Variants in ARB2A observed in about 807,000 individuals in gnomAD.
The protein encoded by ARB2A is cotranscriptional regulator ARB2A.
At chr5:93,930,378 T>C in the ARB2A span, among the ~76,000 whole-genome samples, 1 of 152,202 alleles carries the variant, frequency 6.6e-6, no homozygotes, top group Non-Finnish European at 1.5e-5. Context: ...TATCCAGCAG[T>C]AAGAGTTGCA....
chr5:93,752,073 G>C, the ARB2A span, among the ~76,000 whole-genome samples: 1 of 152,162 alleles, frequency 6.6e-6, no homozygotes, highest in Non-Finnish European at 1.5e-5. Context: ...ATGGCATAGA[G>C]GCTAAGCCAG....
the ARB2A span, among the ~76,000 whole-genome samples, chr5:93,911,589 T>C: frequency 6.6e-6 from 1 of 151,286 alleles, no homozygotes. Flanking sequence ...AGGAAAAGGT[T>C]CACCTTTCTA....
the ARB2A span, among the ~76,000 whole-genome samples, chr5:94,069,997 G>A: frequency 6.6e-6 from 1 of 152,108 alleles, no homozygotes. Flanking sequence ...CATGTTTATT[G>A]CAGCATTATT....
chr5:93,978,960 A>G, the ARB2A span, among the ~76,000 whole-genome samples: 3 of 152,184 alleles, frequency 2.0e-5, no homozygotes, highest in African/African-American at 7.2e-5. Context: ...AGAGTAGGGC[A>G]ATTATGGTTA....
chr5:93,953,029 T>C, the ARB2A span, among the ~76,000 whole-genome samples: 1 of 152,236 alleles, frequency 6.6e-6, no homozygotes, highest in Non-Finnish European at 1.5e-5. Context: ...TAAATTTATC[T>C]GATAGAATTC....
chr5:93,810,406 T>TAA, the ARB2A span, among the ~76,000 whole-genome samples: 1 of 152,098 alleles, frequency 6.6e-6, no homozygotes, highest in African/African-American at 2.4e-5. Flanking sequence ...ATGGTTTGGT[T>TAA]TTGTTTTGCT....
chr5:93,805,997 T>C, the ARB2A span: 5 of 935,126 alleles, frequency 5.3e-6, no homozygotes, highest in Non-Finnish European at 5.1e-6. Context: ...TTATATCTAG[T>C]AGAAGCTTAA....
the ARB2A span, among the ~76,000 whole-genome samples, chr5:93,664,518 G>C: frequency 0.29 from 44,153 of 151,184 alleles, 8,565 homozygotes; most frequent in African/African-American, 0.55. Flanking sequence ...GTACTCCCAG[G>C]TACTCGGGAA....
At chr5:94,086,868 A>G in the ARB2A span, among the ~76,000 whole-genome samples, 1 of 152,230 alleles carries the variant, frequency 6.6e-6, no homozygotes, top group South Asian at 2.1e-4. Flanking sequence ...CTATGTTTTT[A>G]CTACACAATA....
the ARB2A span, among the ~76,000 whole-genome samples, chr5:93,830,311 G>GTGTATATA: frequency 1.7e-4 from 14 of 82,260 alleles, 1 homozygote; most frequent in African/African-American, 5.2e-4. Flanking sequence ...GTGTGTGTGT[G>GTGTATATA]TATATATATA....
the ARB2A span, among the ~76,000 whole-genome samples, chr5:93,633,264 G>C: frequency 5.3e-5 from 8 of 152,234 alleles, no homozygotes; most frequent in Middle Eastern, 3.4e-3. Context: ...AGATCATTTA[G>C]AGTTCAGAAA....
chr5:93,634,704 G>A, the ARB2A span, among the ~76,000 whole-genome samples: 1 of 152,162 alleles, frequency 6.6e-6, no homozygotes, highest in Admixed American at 6.5e-5. Context: ...CCAAGATGTA[G>A]CTGACTTGGC....
the ARB2A span, among the ~76,000 whole-genome samples, chr5:93,886,032 G>A: frequency 6.6e-6 from 1 of 151,534 alleles, no homozygotes; most frequent in South Asian, 2.1e-4. Context: ...GTACAAAAAC[G>A]CACTTATCAA....
the ARB2A span, among the ~76,000 whole-genome samples, chr5:94,034,059 G>C: frequency 1.2e-4 from 19 of 152,144 alleles, no homozygotes; most frequent in African/African-American, 4.3e-4. Flanking sequence ...TGCAGCATGA[G>C]GCCCTCACCA....
chr5:93,737,743 C>G, the ARB2A span: 1 of 316,912 alleles, frequency 3.2e-6, no homozygotes, highest in Non-Finnish European at 6.1e-6. Context: ...GCAGAAAGAA[C>G]ATCTCCTCAA....
the ARB2A span, among the ~76,000 whole-genome samples, chr5:93,982,736 T>A: frequency 1.2e-4 from 18 of 152,280 alleles, no homozygotes; most frequent in East Asian, 3.1e-3. Context: ...AACTGTGACA[T>A]AAGGGTGTAT....
At chr5:94,006,821 T>C in the ARB2A span, among the ~76,000 whole-genome samples, 1 of 152,206 alleles carries the variant, frequency 6.6e-6, no homozygotes, top group Non-Finnish European at 1.5e-5. Flanking sequence ...ATTAAAAGTT[T>C]TAAAGCTTTC....
At chr5:93,711,346 T>G in the ARB2A span, among the ~76,000 whole-genome samples, 1 of 152,106 alleles carries the variant, frequency 6.6e-6, no homozygotes, top group East Asian at 1.9e-4. Context: ...GAACTTGTAT[T>G]CCTACACACA....
At chr5:93,766,758 T>C in the ARB2A span, among the ~76,000 whole-genome samples, 51 of 152,250 alleles carry the variant, frequency 3.3e-4, no homozygotes, top group South Asian at 7.5e-3. Context: ...ACTGCAGCAC[T>C]ATTCACAATA....
Sources: allele counts gnomAD v4.1 joint callset (sites outside exome capture counted in the v4.1 genomes callset), GRCh38; gene constraint gnomAD v4.1.1; transcripts MANE v1.5; gene names NCBI Gene and HGNC (gene_info 2026-07-23, HGNC 2026-07-21).